The following AMBRA1 variants were observed in gnomAD, a reference collection of about 807,000 sequenced individuals.
AMBRA1 encodes autophagy and beclin 1 regulator 1.
A neutral mutation model predicts 125.4 loss-of-function variants in AMBRA1; 47 were observed. The observed-to-expected ratio is 0.37, with a 90% CI of 0.30 to 0.48. AMBRA1 has a LOEUF of 0.48. Ranked by LOEUF, AMBRA1 falls within the 20% of genes least tolerant of loss-of-function variation. The pLI is 0.99. For missense variants in AMBRA1, 1,331 were observed against 1,693.4 expected, an observed-to-expected ratio of 0.79 and a Z score of 3.76; for synonymous variants, 626 against 655.5, an observed-to-expected ratio of 0.95 and a Z score of 0.69.
At chr11:46,586,989 T>C (rs1453811647) in intron 1 of AMBRA1, among the ~76,000 whole-genome samples, 3 of 152,212 alleles carry the variant, frequency 2.0e-5, no homozygotes, top group Non-Finnish European at 4.4e-5. Flanking sequence ...AGATGCTTCA[T>C]TATACTATAG....
chr11:46,591,843 CA>C (rs2044608688), intron 1 of AMBRA1, among the ~76,000 whole-genome samples: 1 of 151,436 alleles, frequency 6.6e-6, no homozygotes, highest in South Asian at 2.1e-4. Flanking sequence ...GGGGACAAAG[CA>C]AGACTCCGTC....
intron 1 of AMBRA1, among the ~76,000 whole-genome samples, chr11:46,570,566 T>C (rs1372937005): frequency 6.6e-6 from 1 of 152,008 alleles, no homozygotes; most frequent in East Asian, 1.9e-4. Flanking sequence ...ATCTCTAAAG[T>C]CTCCTCCCAC....
intron 11 of AMBRA1, among the ~76,000 whole-genome samples, chr11:46,465,899 G>A (rs1949303229): frequency 6.6e-6 from 1 of 152,170 alleles, no homozygotes; most frequent in African/African-American, 2.4e-5. Context: ...GCCAACCAGC[G>A]ACAGTATCAG....
chr11:46,563,538 T>C (rs1591132319), intron 1 of AMBRA1, among the ~76,000 whole-genome samples: 2 of 152,232 alleles, frequency 1.3e-5, no homozygotes, highest in South Asian at 2.1e-4. Context: ...AGAAACCTCA[T>C]TTCTTTAAAA....
At chr11:46,523,320 T>C (rs1951835800) in intron 7 of AMBRA1, among the ~76,000 whole-genome samples, 1 of 152,218 alleles carries the variant, frequency 6.6e-6, no homozygotes, top group Non-Finnish European at 1.5e-5. Context: ...GGACTCAACA[T>C]TTGACTCTAC....
At chr11:46,547,072 T>C in intron 4 of AMBRA1, 41 bp downstream of exon 4, 1 of 1,548,362 alleles carries the variant, frequency 6.5e-7, no homozygotes, top group Non-Finnish European at 8.7e-7. Flanking sequence ...AAAAAAAAAT[T>C]AGAACACCAA....
At chr11:46,571,004 T>C (rs1408296728) in intron 1 of AMBRA1, among the ~76,000 whole-genome samples, 1 of 152,222 alleles carries the variant, frequency 6.6e-6, no homozygotes, top group Non-Finnish European at 1.5e-5. Flanking sequence ...ACCACTGTAC[T>C]GAAATGTGGC....
chr11:46,539,106 G>A (rs572214845), intron 7 of AMBRA1, among the ~76,000 whole-genome samples: 59 of 151,884 alleles, frequency 3.9e-4, no homozygotes, highest in Non-Finnish European at 2.1e-4. Flanking sequence ...GCCGGGAGCA[G>A]ACGGAATATA....
chr11:46,538,504 T>G (rs190180931), intron 7 of AMBRA1, among the ~76,000 whole-genome samples: 6 of 146,122 alleles, frequency 4.1e-5, no homozygotes, highest in East Asian at 1.9e-4. Flanking sequence ...AGTTTCTGGG[T>G]TTTTTTTTAG....
chr11:46,408,996 G>C (rs1946154289), intron 16 of AMBRA1, among the ~76,000 whole-genome samples: 1 of 152,356 alleles, frequency 6.6e-6, no homozygotes, highest in Non-Finnish European at 1.5e-5. Flanking sequence ...CGGGGAGTGG[G>C]GAGGAGCTGT....
chr11:46,531,036 AC>A (rs1396710804), intron 7 of AMBRA1, among the ~76,000 whole-genome samples: 3 of 152,096 alleles, frequency 2.0e-5, no homozygotes, highest in Non-Finnish European at 4.4e-5. Context: ...GGTGCCTGCC[AC>A]CATGTCAGCT....
At chr11:46,560,230 A>G (rs1479247140) in intron 1 of AMBRA1, among the ~76,000 whole-genome samples, 1 of 152,246 alleles carries the variant, frequency 6.6e-6, no homozygotes. Flanking sequence ...TCTACTGCAC[A>G]CAGGCAGCAG....
At chr11:46,585,634 C>A (rs548443441) in intron 1 of AMBRA1, among the ~76,000 whole-genome samples, 202 of 98,386 alleles carry the variant, frequency 2.1e-3, no homozygotes, top group African/African-American at 8.0e-3. Context: ...CCACTGCACT[C>A]CAGCCTGGGT....
At chr11:46,437,979 G>A (rs1355986920) in intron 12 of AMBRA1, among the ~76,000 whole-genome samples, 3 of 152,136 alleles carry the variant, frequency 2.0e-5, no homozygotes, top group African/African-American at 7.2e-5. Context: ...AGAATGCTGG[G>A]ACGGGGCCTG....
intron 1 of AMBRA1, among the ~76,000 whole-genome samples, chr11:46,566,253 A>C (rs1190284533): frequency 6.6e-6 from 1 of 152,122 alleles, no homozygotes; most frequent in Non-Finnish European, 1.5e-5. Context: ...ACCCGTCTCT[A>C]CTAAAAATAC....
intron 1 of AMBRA1, among the ~76,000 whole-genome samples, chr11:46,581,808 A>G (rs1161585011): frequency 6.7e-6 from 1 of 150,182 alleles, no homozygotes; most frequent in South Asian, 2.1e-4. Flanking sequence ...AAAAAAAAAA[A>G]AAAAAAAAAA....
At chr11:46,438,903 G>T (rs974436080) in intron 12 of AMBRA1, among the ~76,000 whole-genome samples, 1 of 152,134 alleles carries the variant, frequency 6.6e-6, no homozygotes, top group Non-Finnish European at 1.5e-5. Context: ...GAAGCAGGTG[G>T]CAAGATCTTT....
chr11:46,442,032 G>A (rs1371521466), intron 12 of AMBRA1, among the ~76,000 whole-genome samples: 3 of 147,386 alleles, frequency 2.0e-5, no homozygotes, highest in Non-Finnish European at 4.5e-5. Context: ...GTGCAGTGGT[G>A]TGATCTTGGC....
chr11:46,442,448 A>T (rs1333372602), intron 12 of AMBRA1, among the ~76,000 whole-genome samples: 1 of 151,856 alleles, frequency 6.6e-6, no homozygotes, highest in Non-Finnish European at 1.5e-5. Flanking sequence ...TGGCTGAAAG[A>T]ATATTTTAAC....
Sources: gnomAD v4.1 joint callset for allele counts (sites outside exome capture counted in the v4.1 genomes callset) on GRCh38, gnomAD v4.1.1 for gene constraint, MANE v1.5 for transcripts, NCBI Gene and HGNC (gene_info 2026-07-23, HGNC 2026-07-21) for gene names.